Variants in LIMS1 observed in about 807,000 individuals in gnomAD.
The protein encoded by LIMS1 is LIM and senescent cell antigen-like-containing domain protein 1.
In LIMS1, 18 loss-of-function variants were observed where a neutral mutation model predicts 44.1. The observed-to-expected ratio is 0.41, with a 90% CI of 0.28 to 0.61. LIMS1 has a LOEUF of 0.61. LIMS1 is among the 20% of genes least tolerant of loss of function. The probability of loss-of-function intolerance (pLI) is 0.32; values close to 1 mark genes in which losing one functional copy is unlikely to be tolerated. For missense variants in LIMS1, 201 were observed against 422.0 expected, an observed-to-expected ratio of 0.48 and a Z score of 4.59; for synonymous variants, 93 against 149.1, an observed-to-expected ratio of 0.62 and a Z score of 2.74.
intron 5 of LIMS1, among the ~76,000 whole-genome samples, 159 bp from the exon 6 acceptor site, chr2:108,675,719 A>G (rs1692499336): frequency 6.6e-6 from 1 of 152,204 alleles, no homozygotes; most frequent in Non-Finnish European, 1.5e-5. Flanking sequence ...GTTCAGGCCT[A>G]TTAATTCAGG....
intron 1 of LIMS1, among the ~76,000 whole-genome samples, chr2:108,538,366 G>A (rs1298828701): frequency 6.6e-6 from 1 of 152,144 alleles, no homozygotes; most frequent in African/African-American, 2.4e-5. Flanking sequence ...GTTGGAGCAC[G>A]TTTTGGAGCT....
chr2:108,572,098 A>G (rs1005552496), intron 1 of LIMS1, among the ~76,000 whole-genome samples: 2 of 152,194 alleles, frequency 1.3e-5, no homozygotes, highest in African/African-American at 4.8e-5. Context: ...GGCCTATTAT[A>G]AAGCCACTAG....
rs564520469 is a variant in LIMS1, at chr2:108,539,245, G to T, written c.32+4651G>T. ...ACAACAGGTACATGCCACTATGCCC[G>T]GCTAATATTTTGTATTTTTTGTAGT... On this transcript the variant is annotated intron_variant, in intron 1 of 9. Transcript: ENST00000544547. Among the ~76,000 whole-genome samples, 2 of 152,192 alleles carry T rather than the reference G, an allele frequency of 1.3e-5. 1 individual carries two copies. Among genetic ancestry groups the T allele is most frequent in the African/African-American group, 4.8e-5 (2 of 41,512 alleles).
upstream of LIMS1, chr2:108,534,291 G>A (rs574104480): frequency 3.6e-4 from 19 of 52,954 alleles, no homozygotes; most frequent in African/African-American, 1.0e-3. Context: ...CCGCCCCCCC[G>A]CGCCTACCTC....
At chr2:108,650,677 C>G (rs1358463348) in intron 1 of LIMS1, among the ~76,000 whole-genome samples, 1 of 152,084 alleles carries the variant, frequency 6.6e-6, no homozygotes, top group African/African-American at 2.4e-5. Flanking sequence ...CCACCCGCCT[C>G]GGCCTCCCAA....
intron 1 of LIMS1, among the ~76,000 whole-genome samples, chr2:108,651,118 G>A (rs1283929545): frequency 1.3e-5 from 2 of 152,100 alleles, no homozygotes; most frequent in Non-Finnish European, 1.5e-5. Context: ...CTGAAACCCC[G>A]GGGCCTGTTT....
chr2:108,674,398 G>T lies in LIMS1; in HGVS notation c.530+1369G>T, dbSNP rs1692368425. On this transcript the variant is annotated intron_variant, in intron 5 of 9. Coordinates refer to ENST00000544547, the Ensembl canonical transcript of LIMS1. Reference sequence around the variant, plus strand: ...AACTTACTTGCTAAATTATAGTAGGGATGGAGAAGAAACAGTAAGCCAAAT... The same window carrying T: ...AACTTACTTGCTAAATTATAGTAGGTATGGAGAAGAAACAGTAAGCCAAAT... 2.0e-5 allele frequency among the ~76,000 whole-genome samples: 3 copies of T among 152,070 alleles called. No individual in the cohort carries two copies. In the South Asian group the frequency reaches 6.2e-4, roughly 32 times the overall value.
At chr2:108,657,313 T>G (rs1441180993) in intron 1 of LIMS1, among the ~76,000 whole-genome samples, 1 of 152,266 alleles carries the variant, frequency 6.6e-6, no homozygotes, top group Non-Finnish European at 1.5e-5. Context: ...TTTGGGCTTT[T>G]TTAGAGTCCC....
At chr2:108,685,413 T>A (rs1445384391) in exon 10 of LIMS1, 1 of 150,252 alleles carries the variant, frequency 6.7e-6, no homozygotes, top group Non-Finnish European at 1.5e-5. Context: ...CAAGAGAGAC[T>A]TCTTAGGGAA....
intron 1 of LIMS1, among the ~76,000 whole-genome samples, chr2:108,582,996 A>G (rs1163705042): frequency 1.3e-5 from 2 of 151,846 alleles, no homozygotes; most frequent in East Asian, 1.9e-4. Context: ...CTTTAAGACA[A>G]TGGTTAGAAT....
intron 1 of LIMS1, among the ~76,000 whole-genome samples, chr2:108,539,022 G>T (rs887202566): frequency 6.6e-6 from 1 of 152,288 alleles, no homozygotes; most frequent in East Asian, 1.9e-4. Context: ...TTGACTAGTG[G>T]TTATTTGGGT....
chr2:108,593,539 C>T (rs936411055), intron 1 of LIMS1, among the ~76,000 whole-genome samples: 18 of 152,138 alleles, frequency 1.2e-4, no homozygotes, highest in South Asian at 2.1e-4. Flanking sequence ...TGCTAGATTA[C>T]GTCAATTTAC....
At chr2:108,542,848 G>A (rs1223431041) in intron 1 of LIMS1, among the ~76,000 whole-genome samples, 1 of 152,148 alleles carries the variant, frequency 6.6e-6, no homozygotes, top group Non-Finnish European at 1.5e-5. Context: ...TTGACCTCCC[G>A]GAGAATGCAT....
chr2:108,649,360 C>T (rs1690297782), intron 1 of LIMS1, among the ~76,000 whole-genome samples: 1 of 152,192 alleles, frequency 6.6e-6, no homozygotes, highest in Non-Finnish European at 1.5e-5. Flanking sequence ...AATAGGAACA[C>T]TTTTACACTG....
At chr2:108,604,654 A>C (rs1424305714) in intron 1 of LIMS1, among the ~76,000 whole-genome samples, 1 of 152,128 alleles carries the variant, frequency 6.6e-6, no homozygotes, top group Non-Finnish European at 1.5e-5. Context: ...TCTTGTAACT[A>C]GCATTAGTTA....
chr2:108,653,315 G>T (rs1690627297), intron 1 of LIMS1, among the ~76,000 whole-genome samples: 1 of 149,632 alleles, frequency 6.7e-6, no homozygotes, highest in Non-Finnish European at 1.5e-5. Flanking sequence ...TTGTGCCTCA[G>T]TTTCTTCATT....
chr2:108,668,455 A>T (rs1691943865), intron 2 of LIMS1, among the ~76,000 whole-genome samples: 1 of 152,142 alleles, frequency 6.6e-6, no homozygotes, highest in Non-Finnish European at 1.5e-5. Context: ...CATATGAGTG[A>T]GATCATGTAG....
At chr2:108,594,975 G>A (rs536394586) in intron 1 of LIMS1, among the ~76,000 whole-genome samples, 1 of 152,302 alleles carries the variant, frequency 6.6e-6, no homozygotes, top group East Asian at 1.9e-4. Context: ...TTATGGTGGG[G>A]CAAGAAAGCA....
At chr2:108,657,747 G>A (rs1264962860) in intron 1 of LIMS1, 1 of 152,394 alleles carries the variant, frequency 6.6e-6, no homozygotes, top group Non-Finnish European at 1.5e-5. Context: ...CCTTTTTTTT[G>A]TGACATTTTA....
Sources: gnomAD v4.1 joint callset for allele counts (sites outside exome capture counted in the v4.1 genomes callset) on GRCh38, gnomAD v4.1.1 for gene constraint, MANE v1.5 for transcripts, NCBI Gene and HGNC (gene_info 2026-07-23, HGNC 2026-07-21) for gene names.